The following HDAC9 variants were observed in gnomAD, a reference collection of about 807,000 sequenced individuals.
HDAC9 encodes histone deacetylase 9.
Under a neutral mutation model 139.4 loss-of-function variants are expected in HDAC9, and 41 were observed. The ratio of observed to expected loss-of-function variants is 0.29; its 90% confidence interval spans 0.23 to 0.38. The LOEUF (loss-of-function observed/expected upper bound fraction) is 0.38, where lower values mean the gene tolerates loss of function less well. Among genes scored for constraint, HDAC9 ranks in the 10% least tolerant of loss-of-function variants. The probability of loss-of-function intolerance (pLI) is 1.00; values close to 1 mark genes in which losing one functional copy is unlikely to be tolerated. For missense variants in HDAC9, 1,147 were observed against 1,297.0 expected (o/e 0.88, Z 1.78); for synonymous variants, 517 against 476.2 (o/e 1.09, Z -1.12).
At chr7:18,819,388 T>C (rs1298672200) in intron 17 of HDAC9, among the ~76,000 whole-genome samples, 1 of 152,222 alleles carries the variant, frequency 6.6e-6, no homozygotes, top group African/African-American at 2.4e-5. Context: ...AGGCAGAGTT[T>C]CACTATGTAT....
intron 2 of HDAC9, among the ~76,000 whole-genome samples, chr7:18,216,762 T>C (rs1792344204): frequency 6.6e-6 from 1 of 152,182 alleles, no homozygotes; most frequent in Non-Finnish European, 1.5e-5. Context: ...TTTTTGCCTC[T>C]ATATTTGTGA....
chr7:18,287,877 G>A (rs556612684), upstream of HDAC9, among the ~76,000 whole-genome samples: 10 of 152,316 alleles, frequency 6.6e-5, no homozygotes, highest in Admixed American at 2.0e-4. Context: ...TATGTGAGAG[G>A]ACTGGACCCG....
At chr7:18,598,281 A>T (rs1203576374) in intron 6 of HDAC9, among the ~76,000 whole-genome samples, 1 of 152,104 alleles carries the variant, frequency 6.6e-6, no homozygotes, top group African/African-American at 2.4e-5. Flanking sequence ...TTCAAGATTG[A>T]CGAACACTGG....
At chr7:18,202,229 A>G (rs1335486815) in intron 2 of HDAC9, among the ~76,000 whole-genome samples, 1 of 152,182 alleles carries the variant, frequency 6.6e-6, no homozygotes, top group East Asian at 1.9e-4. Flanking sequence ...ATTTTAGTTG[A>G]TTCATGTAGG....
chr7:18,768,824 G>A (rs976397330), intron 16 of HDAC9, among the ~76,000 whole-genome samples: 2 of 152,090 alleles, frequency 1.3e-5, no homozygotes, highest in African/African-American at 4.8e-5. Context: ...TGGTGCAAAA[G>A]TGTTATACAT....
Position 18,199,586 on chromosome 7 carries a change from G to C in HDAC9, c.25+37237G>C, listed in dbSNP as rs184439298. On this transcript the variant is annotated intron_variant, in intron 2 of 12. Coordinates refer to the HDAC9 transcript ENST00000417496. ...GGATTGTTTGAGGCCAGGAGTTTGC[G>C]ACCAGCCTGGGCAACATAGTGCGAC... Among the ~76,000 whole-genome samples the C allele has an allele frequency of 1.4e-4, 22 of 151,978 alleles. No individual in the cohort carries two copies. In the East Asian group the frequency reaches 1.9e-3, roughly 13 times the overall value.
At chr7:18,703,239 T>C (rs1783641343) in intron 12 of HDAC9, among the ~76,000 whole-genome samples, 1 of 152,160 alleles carries the variant, frequency 6.6e-6, no homozygotes. Flanking sequence ...GAATGTTTCA[T>C]TTCTGAACAG....
At chr7:18,212,169 A>T (rs1791983470) in intron 2 of HDAC9, among the ~76,000 whole-genome samples, 2 of 152,174 alleles carry the variant, frequency 1.3e-5, no homozygotes, top group African/African-American at 2.4e-5. Context: ...GATAAACAGG[A>T]TGATGAATAA....
intron 11 of HDAC9, 94 bp downstream of exon 11, chr7:18,648,777 G>A: frequency 9.6e-7 from 1 of 1,040,248 alleles, no homozygotes; most frequent in Admixed American, 2.1e-5. Flanking sequence ...AATGTTGATG[G>A]GAGTCACAGC....
chr7:18,920,267 T>C lies in HDAC9; in HGVS notation c.2804-15542T>C, dbSNP rs545359694. ...TTATTCTCTTTGAAGCAATTGTGAA[T>C]GGGAGTTCACTCATGATTTGGCTCT... On this transcript the variant is annotated intron_variant, in intron 22 of 25. Coordinates refer to ENST00000686413, the MANE Select transcript of HDAC9 (RefSeq NM_178425.4). Among the ~76,000 whole-genome samples, 11 of 152,276 alleles carry C rather than the reference T, an allele frequency of 7.2e-5. No homozygotes were observed. The East Asian group carries it at 2.1e-3, about 29-fold the overall frequency.
intron 4 of HDAC9, 87 bp from the exon 5 acceptor site, chr7:18,591,429 G>C: frequency 6.9e-7 from 1 of 1,448,498 alleles, no homozygotes; most frequent in Non-Finnish European, 9.1e-7. Flanking sequence ...TATTCTAGAG[G>C]CATGAGAGGA....
At chr7:18,919,330 T>G (rs1007526872) in intron 22 of HDAC9, among the ~76,000 whole-genome samples, 2 of 152,010 alleles carry the variant, frequency 1.3e-5, no homozygotes, top group Non-Finnish European at 2.9e-5. Flanking sequence ...AGTTTGGTGT[T>G]AAATGTGAGT....
intron 1 of HDAC9, among the ~76,000 whole-genome samples, chr7:18,305,151 T>C (rs1224228509): frequency 6.6e-6 from 1 of 152,176 alleles, no homozygotes; most frequent in Non-Finnish European, 1.5e-5. Flanking sequence ...TTCTGTATAT[T>C]TCCTCCATAG....
intron 20 of HDAC9, 45 bp from the exon 21 acceptor site, chr7:18,835,855 T>C: frequency 7.6e-7 from 1 of 1,312,366 alleles, no homozygotes; most frequent in Non-Finnish European, 1.1e-6. Context: ...CTTTCTTCCA[T>C]TTGCTCTCTT....
intron 1 of HDAC9, among the ~76,000 whole-genome samples, chr7:18,339,665 T>C (rs1781853248): frequency 6.6e-6 from 1 of 151,424 alleles, no homozygotes. Context: ...TTAGAAATGC[T>C]GTATTTATTT....
intron 1 of HDAC9, among the ~76,000 whole-genome samples, chr7:18,292,635 T>A (rs370065816): frequency 5.6e-4 from 86 of 152,260 alleles, no homozygotes; most frequent in Admixed American, 2.2e-3. Context: ...TTTAGTAAAT[T>A]AACCATGCTT....
intron 1 of HDAC9, among the ~76,000 whole-genome samples, chr7:18,088,850 A>G (rs1781961744): frequency 6.6e-6 from 1 of 152,196 alleles, no homozygotes; most frequent in Non-Finnish European, 1.5e-5. Flanking sequence ...AGAATATTAT[A>G]TTTCCAAAAC....
At chr7:18,618,315 G>A (rs1839234037) in intron 6 of HDAC9, among the ~76,000 whole-genome samples, 1 of 152,100 alleles carries the variant, frequency 6.6e-6, no homozygotes, top group Admixed American at 6.6e-5. Flanking sequence ...CAGATGTTAT[G>A]GTGGTAGAGT....
chr7:18,527,496 T>C (rs771947442), intron 2 of HDAC9, among the ~76,000 whole-genome samples: 11 of 152,102 alleles, frequency 7.2e-5, no homozygotes, highest in Admixed American at 3.9e-4. Context: ...TGTGGCTCAA[T>C]GAGGAAGTTG....
Sources: allele counts gnomAD v4.1 joint callset (sites outside exome capture counted in the v4.1 genomes callset), GRCh38; gene constraint gnomAD v4.1.1; transcripts MANE v1.5; gene names NCBI Gene and HGNC (gene_info 2026-07-23, HGNC 2026-07-21).